IDS: variants seen among roughly 807,000 people sequenced by gnomAD.
IDS encodes iduronate 2-sulfatase.
In IDS, 1 loss-of-function variant was observed where a neutral mutation model predicts 33.5. The ratio of observed to expected loss-of-function variants is 0.03; its 90% CI spans 0.01 to 0.14. The LOEUF (loss-of-function observed/expected upper bound fraction) is 0.14, where lower values mean the gene tolerates loss of function less well. Ranked by LOEUF, IDS falls within the 10% of genes least tolerant of loss-of-function variation. The probability of loss-of-function intolerance (pLI) is 1.00; values close to 1 mark genes in which losing one functional copy is unlikely to be tolerated. For synonymous variants in IDS, 191 were observed against 184.4 expected, an observed-to-expected ratio of 1.04 and a Z score of -0.29; for missense variants, 328 against 448.0, an observed-to-expected ratio of 0.73 and a Z score of 2.42.
intron 8 of IDS, 48 bp downstream of exon 8, chrX:149,486,877 T>C (rs1557338092): frequency 4.3e-6 from 5 of 1,167,250 alleles, no homozygotes; most frequent in Non-Finnish European, 5.8e-6. Flanking sequence ...ACATATAAAC[T>C]AAAGGTGATC....
intron 8 of IDS, among the ~76,000 whole-genome samples, chrX:149,484,957 T>C (rs782525493): frequency 3.6e-5 from 4 of 112,176 alleles, no homozygotes; most frequent in African/African-American, 1.3e-4. Context: ...CTAGTAACGC[T>C]GGCCATGAAG....
rs470652 is a variant in IDS at position 149,488,187 on chromosome X, G to A, written c.1007-1089C>T. Among the ~76,000 whole-genome samples, 2,348 of 100,223 alleles carry A rather than the reference G, an allele frequency of 0.023. 49 individuals are homozygous for A. Among genetic ancestry groups the A allele is most frequent in the African/African-American group, 0.037 (936 of 25,470 alleles). The allele number at this position is 100,223 out of a possible 115,157, so 87.0% of individuals were successfully genotyped here. A position where few individuals can be genotyped will look rare whatever the true frequency, so the allele number is the denominator to read the frequency against. ...GTGGGGACTTTCAGATAGCTCAGTG[G>A]AGCTCAGAAAGAGAGGGAGTTCCCC... On this transcript the variant is annotated intron_variant, in intron 7 of 8. Coordinates refer to ENST00000340855, the MANE Select transcript of IDS (RefSeq NM_000202.8).
intron 4 of IDS, among the ~76,000 whole-genome samples, chrX:149,500,058 T>G (rs1315564794): frequency 3.6e-5 from 4 of 111,579 alleles, no homozygotes; most frequent in African/African-American, 6.5e-5. Context: ...TCAGACCACT[T>G]GTTCATCATC....
rs1224876086 is a variant in IDS, at chrX:149,488,152, G to A, written c.1007-1054C>T. ...GTTCCTCCCTCTGGCTGTCAGTACTGGGGAGTATGGTGGGGACTTTCAGAT... is the reference window on the plus strand; with the variant it reads ...GTTCCTCCCTCTGGCTGTCAGTACTAGGGAGTATGGTGGGGACTTTCAGAT... On this transcript the variant is annotated intron_variant, in intron 7 of 8. Transcript: ENST00000340855. Among the ~76,000 whole-genome samples, 5 of 103,882 alleles carry A rather than the reference G, an allele frequency of 4.8e-5. 1 individual carries two copies. The highest frequency in any genetic ancestry group is 1.8e-4 in the African/African-American group (5 of 27,355). 90.2% of individuals were successfully genotyped at this position (103,882 alleles called of 115,157 possible). A position where few individuals can be genotyped will look rare whatever the true frequency, so the allele number is the denominator to read the frequency against.
intron 5 of IDS, among the ~76,000 whole-genome samples, chrX:149,496,847 A>G (rs2089440565): frequency 8.9e-6 from 1 of 111,960 alleles, no homozygotes; most frequent in Admixed American, 9.4e-5. Context: ...GGTTCCCAAA[A>G]CCACCCTCAG....
At position 149,478,267 on chromosome X, in the gene IDS, A is replaced by G. The variant is rs1247542072; in HGVS notation, c.*4479T>C. 2.7e-5 allele frequency: 3 copies of G among 112,394 alleles called. No individual in the cohort carries two copies. The highest frequency in any genetic ancestry group is 5.6e-5 in the Non-Finnish European group (3 of 53,270). 9.3% of individuals were successfully genotyped at this position (112,394 alleles called of 1,213,427 possible). ...AAAGATTAATGTAGGTTGGGTGTAT[A>G]CCCAAAACAATTAAGAGCAGGGACT... On this transcript the variant is annotated 3_prime_UTR_variant, in exon 9 of 9. Transcript: ENST00000340855.
chrX:149,504,609 G>C (rs1248139430), intron 1 of IDS, among the ~76,000 whole-genome samples: 1 of 110,554 alleles, frequency 9.0e-6, no homozygotes, highest in African/African-American at 3.3e-5. Context: ...CAGATGGTTG[G>C]ATGGAGGAAG....
At position 149,482,844 on chromosome X, in the gene IDS, C is replaced by A. The variant is rs2089303796; in HGVS notation, c.1555G>T (p.Ala519Ser). The A allele has an allele frequency of 8.3e-7, 1 of 1,210,281 alleles. No individual in the cohort carries two copies. Among genetic ancestry groups the A allele is most frequent in the Non-Finnish European group, 1.1e-6 (1 of 895,259 alleles). The change falls in exon 9 of 9, where the codon GCA becomes TCA. Residue 519 changes from alanine to serine, a missense_variant. This residue lies in a region of IDS where 265 missense variants were observed against 339.2 expected (regional missense o/e 0.78). Coordinates refer to ENST00000340855, the MANE Select transcript of IDS (RefSeq NM_000202.8). ...EFLANFSDIH[A>S]GELYFVDSDP... is the part of the protein sequence containing the mutation. ...GAATCCACAAAATACAGTTCCCCTG[C>A]ATGGATGTCAGAAAAGTTAGCTAGA...
chrX:149,504,309 G>C lies in IDS; in HGVS notation c.104-16C>G, dbSNP rs1557340437. 4.2e-6 allele frequency: 5 copies of C among 1,200,410 alleles called. No individual in the cohort carries two copies. Among genetic ancestry groups the C allele is most frequent in the Non-Finnish European group, 4.5e-6 (4 of 888,359 alleles). On this transcript the variant is annotated splice_polypyrimidine_tract_variant and intron_variant, in intron 1 of 8. Coordinates refer to ENST00000340855, the MANE Select transcript of IDS (RefSeq NM_000202.8). ...TTCAGAGCATCTACACAGGAGGGAG[G>C]GGCTTTGGTGAGGTAACCTGCACTG...
intron 2 of IDS, among the ~76,000 whole-genome samples, 174 bp downstream of exon 2, chrX:149,503,983 G>A (rs2089502123): frequency 9.0e-6 from 1 of 111,483 alleles, no homozygotes; most frequent in Admixed American, 9.4e-5. Context: ...TGAAGGTCAA[G>A]CTTTCCCATG....
Position 149,478,475 on chromosome X carries a change from G to A in IDS, c.*4271C>T, listed in dbSNP as rs1356724366. ...CCATTACAGCTGTTAATCAAGAACT[G>A]TCAATGACATAAAAAACCAAGCTAA... On this transcript the variant is annotated 3_prime_UTR_variant, in exon 9 of 9. Coordinates refer to ENST00000340855, the MANE Select transcript of IDS (RefSeq NM_000202.8). 8.9e-6 allele frequency: 1 copy of A among 112,283 alleles called. No individual in the cohort carries two copies. Among genetic ancestry groups the A allele is most frequent in the Non-Finnish European group, 1.9e-5 (1 of 53,272 alleles). The allele number at this position is 112,283 out of a possible 1,213,427, so 9.3% of individuals were successfully genotyped here.
chrX:149,484,885 T>A (rs2089323587), intron 8 of IDS, among the ~76,000 whole-genome samples: 4 of 112,192 alleles, frequency 3.6e-5, no homozygotes, highest in Admixed American at 1.9e-4. Flanking sequence ...AAGGTACCTT[T>A]ACAATGGCAA....
chrX:149,487,041 G>A lies in IDS; in HGVS notation c.1064C>T (p.Thr355Ile), dbSNP rs782263561. The A allele has an allele frequency of 8.3e-7, 1 of 1,211,264 alleles. No individual in the cohort carries two copies. Among genetic ancestry groups the A allele is most frequent in the East Asian group, 3.0e-5 (1 of 33,839 alleles). The change falls in exon 8 of 9, where the codon ACC becomes ATC. Residue 355 changes from threonine (T) to isoleucine (I), a missense_variant. Physicochemically the swap from Thr to Ile is moderately conservative, Grantham distance 89 (BLOSUM62 -1). Transcript: ENST00000340855. ...AACATAGAATATCAGGGGAACATGGGTAGCAACATCAAAATTGCTGTATTT... is the reference window on the plus strand; with the variant it reads ...AACATAGAATATCAGGGGAACATGGATAGCAACATCAAAATTGCTGTATTT... Reference protein sequence around the residue: ...WAKYSNFDVATHVPLIFYVPG... With the variant: ...WAKYSNFDVAIHVPLIFYVPG...
In IDS at chrX:149,483,050, T is replaced by A. The variant is rs782443447; in HGVS notation, c.1349A>T (p.Asp450Val). 21 of 1,207,930 alleles carry A rather than the reference T, an allele frequency of 1.7e-5. No individual in the cohort carries two copies. Among genetic ancestry groups the A allele is most frequent in the Non-Finnish European group, 2.2e-5 (20 of 892,497 alleles). ...ACGGGGATTACCAGGGAGGTACGGA[T>A]CCTCTTCCAAGTCACGGAATCGAAA... ...KHFRFRDLEE[D>V]PYLPGNPREL... is the part of the protein sequence containing the mutation. The change falls in exon 9 of 9, where the codon GAT becomes GTT. Residue 450 changes from aspartate (D) to valine (V), a missense_variant. Asp to Val is a radical substitution (Grantham distance 152). Transcript: ENST00000340855.
chrX:149,502,989 G>A (rs2089492521), intron 3 of IDS: 1 of 489,652 alleles, frequency 2.0e-6, no homozygotes, highest in African/African-American at 2.4e-5. Flanking sequence ...CTGCAGGGGA[G>A]AGGGTGGGGC....
Position 149,479,762 on chromosome X carries a change from T to C in IDS, c.*2984A>G, listed in dbSNP as rs2089285690. ...ATATGACCAGAACAATGCAAAAAAT[T>C]CACACCCCCAAAAAAGACAAGATAT... On this transcript the variant is annotated 3_prime_UTR_variant, in exon 9 of 9. Coordinates refer to ENST00000340855, the MANE Select transcript of IDS (RefSeq NM_000202.8). 1 of 112,555 alleles carries C rather than the reference T, an allele frequency of 8.9e-6. No individual in the cohort carries two copies. The highest frequency in any genetic ancestry group is 1.9e-5 in the Non-Finnish European group (1 of 53,683). 9.3% of individuals were successfully genotyped at this position (112,555 alleles called of 1,213,427 possible). A position where few individuals can be genotyped will look rare whatever the true frequency, so the allele number is the denominator to read the frequency against.
chrX:149,502,893 G>C (rs2089491842), intron 3 of IDS: 1 of 335,887 alleles, frequency 3.0e-6, no homozygotes, highest in Admixed American at 5.2e-5. Context: ...CCCCCTCATT[G>C]GGCAATAAGT....
Position 149,479,181 on chromosome X carries a change from CTAA to C in IDS, c.*3562_*3564del, listed in dbSNP as rs1444821737. On this transcript the variant is annotated 3_prime_UTR_variant, in exon 9 of 9. Coordinates refer to ENST00000340855, the MANE Select transcript of IDS (RefSeq NM_000202.8). ...TACAGGCGCCCGCCACCACGCCCGG[CTAA>C]TTTTTGTATTTTTAGTAGAGACGGG... 1 of 111,372 alleles carries C rather than the reference CTAA, an allele frequency of 9.0e-6. No homozygotes were observed. The highest frequency in any genetic ancestry group is 1.9e-5 in the Non-Finnish European group (1 of 53,032). 9.2% of individuals were successfully genotyped at this position (111,372 alleles called of 1,213,427 possible). A position where few individuals can be genotyped will look rare whatever the true frequency, so the allele number is the denominator to read the frequency against.
intron 8 of IDS, among the ~76,000 whole-genome samples, chrX:149,486,347 T>A (rs1402372933): frequency 9.0e-6 from 1 of 111,356 alleles, no homozygotes; most frequent in African/African-American, 3.3e-5. Flanking sequence ...ATGGACAGGG[T>A]CGGGGGCATC....
Sources: gnomAD v4.1 joint callset for allele counts (sites outside exome capture counted in the v4.1 genomes callset) on GRCh38, gnomAD v4.1.1 for gene constraint, gnomAD v4.1.1 regional missense constraint, MANE v1.5 for transcripts, NCBI Gene and HGNC (gene_info 2026-07-23, HGNC 2026-07-21) for gene names.